MLLT3: variants seen among roughly 807,000 people sequenced by gnomAD.
MLLT3 encodes protein AF-9.
A neutral mutation model predicts 53.2 loss-of-function variants in MLLT3; 4 were observed. The ratio of observed to expected loss-of-function variants is 0.08; its 90% CI spans 0.04 to 0.17. The LOEUF is 0.17. Among genes scored for constraint, MLLT3 ranks in the 10% least tolerant of loss-of-function variants. MLLT3 has a pLI of 1.00. For synonymous variants in MLLT3, 283 were observed against 230.6 expected, an observed-to-expected ratio of 1.23 and a Z score of -2.06; for missense variants, 569 against 684.0, an observed-to-expected ratio of 0.83 and a Z score of 1.87.
At chr9:20,605,125 G>A (rs1272093234) in intron 2 of MLLT3, among the ~76,000 whole-genome samples, 1 of 151,918 alleles carries the variant, frequency 6.6e-6, no homozygotes, top group Non-Finnish European at 1.5e-5. Context: ...GAAAACTGCA[G>A]GATTTATACC....
intron 5 of MLLT3, among the ~76,000 whole-genome samples, chr9:20,408,494 G>A (rs1364334565): frequency 2.6e-5 from 4 of 152,058 alleles, no homozygotes; most frequent in Non-Finnish European, 5.9e-5. Flanking sequence ...ACATTGAGCA[G>A]AATTTACCAG....
intron 2 of MLLT3, among the ~76,000 whole-genome samples, chr9:20,561,105 C>CT (rs1819198200): frequency 6.6e-6 from 1 of 152,102 alleles, no homozygotes; most frequent in African/African-American, 2.4e-5. Flanking sequence ...GCCTCCTGTA[C>CT]TTTTCTCCAG....
intron 2 of MLLT3, among the ~76,000 whole-genome samples, chr9:20,501,561 C>T (rs1039923005): frequency 6.6e-6 from 1 of 151,076 alleles, no homozygotes; most frequent in South Asian, 2.1e-4. Flanking sequence ...ACCATCCTGG[C>T]TAACAAGGTG....
rs567140096 is a variant in MLLT3, at chr9:20,432,941, T to A, written c.420+15182A>T. On this transcript the variant is annotated intron_variant, in intron 4 of 10. Transcript: ENST00000380338. ...AAGTATGTGCCTTTGAATGAATGTATACATTTATTGAGTATTTACTATACA... is the reference window on the plus strand; with the variant it reads ...AAGTATGTGCCTTTGAATGAATGTAAACATTTATTGAGTATTTACTATACA... Among the ~76,000 whole-genome samples the A allele has an allele frequency of 5.5e-4, 84 of 152,266 alleles. 1 individual carries two copies. The highest frequency in any genetic ancestry group is 4.3e-3 in the Admixed American group (66 of 15,284).
intron 2 of MLLT3, among the ~76,000 whole-genome samples, chr9:20,543,288 C>T (rs577861250): frequency 6.6e-6 from 1 of 152,348 alleles, no homozygotes. Flanking sequence ...ACCTAACTCA[C>T]CCAGCTTTTG....
At position 20,360,756 on chromosome 9, in the gene MLLT3, T is replaced by G; in HGVS notation, c.1417A>C (p.Thr473Pro). 6.2e-7 allele frequency: 1 copy of G among 1,613,866 alleles called. No individual in the cohort carries two copies. Among genetic ancestry groups the G allele is most frequent in the Non-Finnish European group, 8.5e-7 (1 of 1,179,772 alleles). ...HHEPPPPLLK[T>P]NNNQILEVKS... Reference sequence around the variant, plus strand: ...CCACAATTTACCTGGTTGTTGTTGGTTTTTAGTAAGGGTGGTGGAGGTTCG... The same window carrying G: ...CCACAATTTACCTGGTTGTTGTTGGGTTTTAGTAAGGGTGGTGGAGGTTCG... The change falls in exon 8 of 11, where the codon ACC becomes CCC. Residue 473 changes from threonine to proline, a missense_variant. By Grantham distance (38) the Thr-to-Pro change is conservative. Transcript: ENST00000380338.
chr9:20,494,368 G>A (rs1364368184), intron 2 of MLLT3, among the ~76,000 whole-genome samples: 1 of 151,998 alleles, frequency 6.6e-6, no homozygotes, highest in South Asian at 2.1e-4. Context: ...CTTTAAAGAT[G>A]CTGATTTGCT....
chr9:20,610,312 A>G (rs1015970370), intron 2 of MLLT3, among the ~76,000 whole-genome samples: 9 of 152,170 alleles, frequency 5.9e-5, no homozygotes, highest in Non-Finnish European at 1.3e-4. Context: ...AAGCATCCAA[A>G]GTAAGTGAAG....
intron 2 of MLLT3, among the ~76,000 whole-genome samples, chr9:20,535,982 TTAAATA>T (rs1249395004): frequency 1.3e-5 from 2 of 152,174 alleles, no homozygotes; most frequent in Non-Finnish European, 2.9e-5. Context: ...CCTGTACTTA[TTAAATA>T]TAAAGTAGCT....
chr9:20,384,823 ATCTACT>A (rs1278263365), intron 5 of MLLT3, among the ~76,000 whole-genome samples: 2 of 152,070 alleles, frequency 1.3e-5, no homozygotes, highest in Admixed American at 6.6e-5. Context: ...ACAGAGACTG[ATCTACT>A]TCTAAAAATT....
At chr9:20,513,642 C>A (rs1226936005) in intron 2 of MLLT3, among the ~76,000 whole-genome samples, 1 of 152,148 alleles carries the variant, frequency 6.6e-6, no homozygotes, top group Admixed American at 6.5e-5. Flanking sequence ...GTATCTGCAG[C>A]AGTCCATGCA....
chr9:20,610,007 T>TA (rs1175728704), intron 2 of MLLT3, among the ~76,000 whole-genome samples: 4 of 152,144 alleles, frequency 2.6e-5, no homozygotes, highest in African/African-American at 9.7e-5. Flanking sequence ...TTCATTGTTA[T>TA]AAAAACACTA....
chr9:20,395,597 T>C (rs1822302528), intron 5 of MLLT3, among the ~76,000 whole-genome samples: 1 of 152,174 alleles, frequency 6.6e-6, no homozygotes, highest in African/African-American at 2.4e-5. Flanking sequence ...TTTACTGCTC[T>C]GTAATAAACT....
At chr9:20,347,333 T>G (rs1049527989) in intron 10 of MLLT3, among the ~76,000 whole-genome samples, 12 of 152,210 alleles carry the variant, frequency 7.9e-5, no homozygotes, top group African/African-American at 2.9e-4. Context: ...CTGAATATTT[T>G]GGGGAGATTT....
At position 20,448,509 on chromosome 9, in the gene MLLT3, C is replaced by A. The variant is rs189615004; in HGVS notation, c.277-243G>T. On this transcript the variant is annotated intron_variant, in intron 3 of 10. Transcript: ENST00000380338. This position sits in a 1 kb window ranked among gnomAD's most constrained non-coding sequence, Gnocchi z 4.0. Reference sequence around the variant, plus strand: ...AATAAGAAAAACTTCTCTTCTTCCCCATGATCTTTCAGGTGACAGGATACC... The same window carrying A: ...AATAAGAAAAACTTCTCTTCTTCCCAATGATCTTTCAGGTGACAGGATACC... 1.3e-5 allele frequency among the ~76,000 whole-genome samples: 2 copies of A among 152,192 alleles called. No homozygotes were observed. The highest frequency in any genetic ancestry group is 1.3e-4 in the Admixed American group (2 of 15,284).
intron 5 of MLLT3, among the ~76,000 whole-genome samples, chr9:20,386,157 T>C (rs1822031287): frequency 6.6e-6 from 1 of 152,200 alleles, no homozygotes; most frequent in African/African-American, 2.4e-5. Context: ...TGAAAGCACA[T>C]ACTTTACATA....
chr9:20,502,699 T>C (rs942545125), intron 2 of MLLT3, among the ~76,000 whole-genome samples: 2 of 152,226 alleles, frequency 1.3e-5, no homozygotes, highest in Non-Finnish European at 2.9e-5. Context: ...TATGCTATTT[T>C]ATATCAGAGA....
At chr9:20,577,562 T>C (rs1008126163) in intron 2 of MLLT3, among the ~76,000 whole-genome samples, 1 of 152,168 alleles carries the variant, frequency 6.6e-6, no homozygotes, top group Non-Finnish European at 1.5e-5. Flanking sequence ...TGACCATCTC[T>C]CACTTTCATA....
chr9:20,544,241 C>A (rs533949128), intron 2 of MLLT3, among the ~76,000 whole-genome samples: 4 of 152,006 alleles, frequency 2.6e-5, no homozygotes, highest in African/African-American at 9.7e-5. Flanking sequence ...TTCAGAATAT[C>A]GGATTTGGGA....
Sources: gnomAD v4.1 joint callset for allele counts (sites outside exome capture counted in the v4.1 genomes callset) on GRCh38, gnomAD v4.1.1 for gene constraint, Gnocchi (gnomAD v3.1) non-coding constraint, MANE v1.5 for transcripts, NCBI Gene and HGNC (gene_info 2026-07-23, HGNC 2026-07-21) for gene names.